Variants in ADCY1 observed in about 807,000 individuals in gnomAD.
ADCY1 encodes adenylate cyclase 1, also known as adenylate cyclase type 1.
Under a neutral mutation model 105.4 loss-of-function variants are expected in ADCY1, and 28 were observed. That is an observed-to-expected ratio of 0.27 (90% CI 0.20 to 0.36). The LOEUF is 0.36. Among genes scored for constraint, ADCY1 ranks in the 10% least tolerant of loss-of-function variants. The pLI is 1.00. For synonymous variants in ADCY1, 655 were observed against 623.8 expected (o/e 1.05, Z -0.75); for missense variants, 977 against 1,434.2 (o/e 0.68, Z 5.15).
Position 45,600,710 on chromosome 7 carries a change from C to G in ADCY1, c.789+7802C>G, listed in dbSNP as rs376699887. Among the ~76,000 whole-genome samples the G allele has an allele frequency of 2.2e-3, 338 of 152,318 alleles. 2 individuals are homozygous for G. Among genetic ancestry groups the G allele is most frequent in the African/African-American group, 7.4e-3 (308 of 41,564 alleles). On this transcript the variant is annotated intron_variant, in intron 2 of 19. Coordinates refer to ENST00000297323, the MANE Select transcript of ADCY1 (RefSeq NM_021116.4). ...TTCTGGAGGCTGCAGAGTCCAAGAT[C>G]AAGGTGTTGTCAGGGCTGGTTCCAT...
At chr7:45,594,257 G>A (rs1474447758) in intron 2 of ADCY1, among the ~76,000 whole-genome samples, 1 of 152,222 alleles carries the variant, frequency 6.6e-6, no homozygotes, top group Non-Finnish European at 1.5e-5. Flanking sequence ...GTGCATGAAT[G>A]TGTCGGTGTG....
In ADCY1 at chr7:45,713,897, C is replaced by G. The variant is rs548312101; in HGVS notation, c.3262C>G (p.Pro1088Ala). The G allele has an allele frequency of 2.6e-6, 2 of 780,676 alleles. No individual in the cohort carries two copies. 48.4% of individuals were successfully genotyped at this position (780,676 alleles called of 1,614,324 possible). The change falls in exon 20 of 20, where the codon CCC becomes GCC. Residue 1088 changes from proline (P) to alanine (A), a missense_variant. Coordinates refer to ENST00000297323, the MANE Select transcript of ADCY1 (RefSeq NM_021116.4). ...GRAGLQGRRP[P>A]VCPMPGVSVR... The stretch of plus-strand genomic sequence containing the variant: ...AGCTGGCCTTCAGGGCAGACGTCCC[C>G]CCGTGTGCCCCATGCCTGGCGTCTC...
In ADCY1 at chr7:45,685,043, T is replaced by C. The variant is rs1451818443; in HGVS notation, c.2048T>C (p.Ile683Thr). ...CTGTGTATTTTCATAGTGGTCTTAA[T>C]CTACTCAGTAGCCCAAGGTTGTGTG... ...TVLCIFIVVL[I>T]YSVAQGCVVG... Residue 683 changes from isoleucine (I) to threonine (T), a missense_variant, in exon 12 of 20, where the codon ATC becomes ACC. By Grantham distance (89) the Ile-to-Thr change is moderately conservative. Transcript: ENST00000297323. 6.2e-7 allele frequency: 1 copy of C among 1,614,080 alleles called. No homozygotes were observed. Among genetic ancestry groups the C allele is most frequent in the African/African-American group, 1.3e-5 (1 of 74,936 alleles).
At chr7:45,635,525 C>G (rs1455805997) in intron 4 of ADCY1, among the ~76,000 whole-genome samples, 1 of 144,770 alleles carries the variant, frequency 6.9e-6, no homozygotes, top group Non-Finnish European at 1.5e-5. Context: ...GAAAGTATTA[C>G]TTTAGCAGTA....
intron 14 of ADCY1, among the ~76,000 whole-genome samples, chr7:45,687,036 C>T (rs1341049842): frequency 2.0e-5 from 3 of 152,126 alleles, no homozygotes; most frequent in African/African-American, 4.8e-5. Flanking sequence ...GCAGTGGCAG[C>T]AGGTCTCATC....
intron 4 of ADCY1, among the ~76,000 whole-genome samples, chr7:45,646,465 C>T (rs975495211): frequency 6.6e-6 from 1 of 152,218 alleles, no homozygotes; most frequent in South Asian, 2.1e-4. Flanking sequence ...TGAGCACTGA[C>T]TGTGGTTCCA....
chr7:45,661,717 C>T lies in ADCY1; in HGVS notation c.1450-342C>T, dbSNP rs186112174. 5.1e-4 allele frequency among the ~76,000 whole-genome samples: 78 copies of T among 152,262 alleles called. 1 individual carries two copies. Among genetic ancestry groups the T allele is most frequent in the African/African-American group, 1.7e-3 (72 of 41,554 alleles). ...AGAAGGGGACATACTGGAAACTGAA[C>T]GGGGTAACAAAGACCTTCATTCCAA... On this transcript the variant is annotated intron_variant, in intron 7 of 19. Coordinates refer to ENST00000297323, the MANE Select transcript of ADCY1 (RefSeq NM_021116.4).
intron 14 of ADCY1, among the ~76,000 whole-genome samples, chr7:45,698,651 G>C (rs1257135813): frequency 6.6e-6 from 1 of 152,220 alleles, no homozygotes; most frequent in South Asian, 2.1e-4. Context: ...ACCACACTCA[G>C]CCTGCCCCAT....
At chr7:45,594,674 C>G (rs1430236283) in intron 2 of ADCY1, among the ~76,000 whole-genome samples, 3 of 152,118 alleles carry the variant, frequency 2.0e-5, no homozygotes, top group South Asian at 2.1e-4. Flanking sequence ...CAGCATTTCA[C>G]TGGGTTTTAT....
intron 4 of ADCY1, among the ~76,000 whole-genome samples, chr7:45,641,251 A>G (rs1021315763): frequency 1.3e-5 from 2 of 152,146 alleles, no homozygotes; most frequent in East Asian, 3.9e-4. Flanking sequence ...CAAGGACTGC[A>G]CCCACGTCAT....
intron 3 of ADCY1, 22 bp from the exon 4 acceptor site, chr7:45,622,610 C>T (rs1211903064): frequency 6.9e-6 from 11 of 1,589,906 alleles, no homozygotes; most frequent in African/African-American, 5.4e-5. Flanking sequence ...GAAGGGCAGC[C>T]TGGCACCCCT....
chr7:45,695,258 A>C (rs1261298923), intron 14 of ADCY1, among the ~76,000 whole-genome samples: 1 of 152,234 alleles, frequency 6.6e-6, no homozygotes, highest in Non-Finnish European at 1.5e-5. Flanking sequence ...GTAGGAGGGC[A>C]AATTGAATTC....
chr7:45,703,888 T>A lies in ADCY1; in HGVS notation c.2718+142T>A. On this transcript the variant is annotated intron_variant, in intron 16 of 19. Transcript: ENST00000297323. The surrounding 1 kb of genome is among the most constrained non-coding windows in gnomAD (Gnocchi z 5.9). ...AATCCCGGGAAGCACAGGCATTCTG[T>A]CTCCTTTGGGATCCAGACCAACCAT... 1 of 1,271,694 alleles carries A rather than the reference T, an allele frequency of 7.9e-7. No individual in the cohort carries two copies. The highest frequency in any genetic ancestry group is 1.1e-6 in the Non-Finnish European group (1 of 937,920). The allele number at this position is 1,271,694 out of a possible 1,614,324, so 78.8% of individuals were successfully genotyped here. A position where few individuals can be genotyped will look rare whatever the true frequency, so the allele number is the denominator to read the frequency against.
chr7:45,698,020 A>G (rs1237673823), intron 14 of ADCY1, among the ~76,000 whole-genome samples: 2 of 152,192 alleles, frequency 1.3e-5, no homozygotes, highest in African/African-American at 4.8e-5. Flanking sequence ...TTTATACCAC[A>G]GGGCCATGGA....
intron 1 of ADCY1, among the ~76,000 whole-genome samples, chr7:45,585,040 G>A (rs188895858): frequency 3.7e-4 from 57 of 152,366 alleles, no homozygotes; most frequent in African/African-American, 1.2e-3. Flanking sequence ...AGCCAGTGCA[G>A]CGAGCCTGTG....
At chr7:45,596,597 A>G (rs755698392) in intron 2 of ADCY1, among the ~76,000 whole-genome samples, 1 of 152,198 alleles carries the variant, frequency 6.6e-6, no homozygotes, top group South Asian at 2.1e-4. Context: ...CGATGTGGGC[A>G]TCACTGGTAG....
At chr7:45,653,811 A>T (rs891219147) in intron 5 of ADCY1, among the ~76,000 whole-genome samples, 3 of 152,060 alleles carry the variant, frequency 2.0e-5, no homozygotes, top group Admixed American at 2.0e-4. Context: ...GTATTAGGTC[A>T]CCCTAGGAAG....
chr7:45,668,750 C>T (rs572451057), intron 8 of ADCY1, among the ~76,000 whole-genome samples: 9 of 152,284 alleles, frequency 5.9e-5, no homozygotes, highest in Middle Eastern at 3.4e-3. Context: ...GTTGTGAATC[C>T]GTCTAGTCCT....
rs71030888 is a variant in ADCY1, at chr7:45,711,607, GTATATATA to G, written c.3057+986_3057+993del. ...CCATCCACCTCCAGAACTTCGTGCT[GTATATATA>G]TATATATATATATATATATATATAT... On this transcript the variant is annotated intron_variant, in intron 19 of 19. Coordinates refer to ENST00000297323, the MANE Select transcript of ADCY1 (RefSeq NM_021116.4). Among the ~76,000 whole-genome samples, 132 of 70,800 alleles carry G rather than the reference GTATATATA, an allele frequency of 1.9e-3. 1 individual carries two copies. The highest frequency in any genetic ancestry group is 4.9e-3 in the African/African-American group (99 of 20,148). 46.4% of individuals were successfully genotyped at this position (70,800 alleles called of 152,430 possible). A position where few individuals can be genotyped will look rare whatever the true frequency, so the allele number is the denominator to read the frequency against.
Sources: allele counts gnomAD v4.1 joint callset (sites outside exome capture counted in the v4.1 genomes callset), GRCh38; gene constraint gnomAD v4.1.1; non-coding constraint Gnocchi (gnomAD v3.1); transcripts MANE v1.5; gene names NCBI Gene and HGNC (gene_info 2026-07-23, HGNC 2026-07-21).